Variants in PLEKHA5 observed in about 807,000 individuals in gnomAD.
PLEKHA5 encodes the protein pleckstrin homology domain containing A5.
PLEKHA5 carries 55 observed loss-of-function variants against 181.9 expected under a neutral mutation model. The observed-to-expected ratio is 0.30, with a 90% CI of 0.24 to 0.38. PLEKHA5 has a LOEUF of 0.38. PLEKHA5 is among the 10% of genes least tolerant of loss of function. The pLI is 1.00. For synonymous variants in PLEKHA5, 535 were observed against 529.4 expected, an observed-to-expected ratio of 1.01 and a Z score of -0.15; for missense variants, 1,432 against 1,549.5, an observed-to-expected ratio of 0.92 and a Z score of 1.27.
chr12:19,239,709 T>C (rs1478765182), intron 3 of PLEKHA5, among the ~76,000 whole-genome samples: 1 of 152,192 alleles, frequency 6.6e-6, no homozygotes, highest in African/African-American at 2.4e-5. Flanking sequence ...TTCAACCACA[T>C]TTCTTTGTGC....
intron 15 of PLEKHA5, among the ~76,000 whole-genome samples, chr12:19,299,889 AT>A (rs2080977677): frequency 6.6e-6 from 1 of 152,136 alleles, no homozygotes; most frequent in Non-Finnish European, 1.5e-5. Flanking sequence ...TCTTTTTGTC[AT>A]TTAAGCCTTC....
intron 11 of PLEKHA5, among the ~76,000 whole-genome samples, chr12:19,281,878 G>GT (rs1181384187): frequency 6.6e-6 from 1 of 151,864 alleles, no homozygotes; most frequent in African/African-American, 2.4e-5. Context: ...GCTTCCTGGG[G>GT]TCACGCCATT....
chr12:19,224,356 G>A (rs902308844), intron 3 of PLEKHA5, among the ~76,000 whole-genome samples: 1 of 152,108 alleles, frequency 6.6e-6, no homozygotes, highest in African/African-American at 2.4e-5. Flanking sequence ...TGGAAGTCTG[G>A]TTTAATTGAA....
At chr12:19,339,127 G>A (rs955027685) in intron 21 of PLEKHA5, among the ~76,000 whole-genome samples, 6 of 150,498 alleles carry the variant, frequency 4.0e-5, no homozygotes, top group African/African-American at 9.8e-5. Flanking sequence ...TGCAACCTCC[G>A]CCTCTCATGT....
chr12:19,354,828 C>G (rs2094838257), intron 26 of PLEKHA5, among the ~76,000 whole-genome samples: 1 of 152,152 alleles, frequency 6.6e-6, no homozygotes, highest in African/African-American at 2.4e-5. Flanking sequence ...CAGACCTAGT[C>G]AACACCTAAT....
chr12:19,157,097 T>TACATAC (rs1555227637), intron 3 of PLEKHA5, among the ~76,000 whole-genome samples: 2 of 143,208 alleles, frequency 1.4e-5, no homozygotes, highest in East Asian at 2.1e-4. Flanking sequence ...TATATGTACA[T>TACATAC]ACACACACAC....
At chr12:19,212,835 G>GTTTTTTTTTTTT (rs11290352) in intron 3 of PLEKHA5, among the ~76,000 whole-genome samples, 1 of 138,142 alleles carries the variant, frequency 7.2e-6, no homozygotes, top group Non-Finnish European at 1.6e-5. Flanking sequence ...TTTTTTTGTT[G>GTTTTTTTTTTTT]TTTTTTTTTT....
Position 19,269,758 on chromosome 12 carries a change from A to AT in PLEKHA5, c.712-8dup. The AT allele has an allele frequency of 7.2e-7, 1 of 1,382,400 alleles. No homozygotes were observed. The highest frequency in any genetic ancestry group is 1.0e-6 in the Non-Finnish European group (1 of 979,270). The allele number at this position is 1,382,400 out of a possible 1,614,324, so 85.6% of individuals were successfully genotyped here. A position where few individuals can be genotyped will look rare whatever the true frequency, so the allele number is the denominator to read the frequency against. On this transcript the variant is annotated splice_polypyrimidine_tract_variant and intron_variant, in intron 8 of 31. Transcript: ENST00000429027. ...TATTTTTATTTAAAATGATCGTGTC[A>AT]TTTTCAATCAGGCAGCCCATCCAAA...
intron 3 of PLEKHA5, 45 bp from the exon 4 acceptor site, chr12:19,253,895 T>C (rs1291005099): frequency 1.9e-6 from 2 of 1,078,192 alleles, no homozygotes; most frequent in African/African-American, 3.1e-5. Context: ...TAAATGGGAA[T>C]TTTAAATACC....
chr12:19,328,070 A>C (rs1044228793), intron 20 of PLEKHA5, among the ~76,000 whole-genome samples: 1 of 152,208 alleles, frequency 6.6e-6, no homozygotes, highest in Non-Finnish European at 1.5e-5. Flanking sequence ...CTATTCCAGC[A>C]CCATTTATTG....
intron 20 of PLEKHA5, among the ~76,000 whole-genome samples, chr12:19,327,571 G>C (rs1181687715): frequency 2.7e-5 from 4 of 149,530 alleles, no homozygotes. Context: ...AGTTTCTTTT[G>C]CTTTACAGAA....
intron 3 of PLEKHA5, among the ~76,000 whole-genome samples, chr12:19,239,901 A>G (rs919670206): frequency 2.6e-5 from 4 of 152,136 alleles, no homozygotes; most frequent in Non-Finnish European, 4.4e-5. Context: ...GAGACTCTTC[A>G]TGTTTATTTA....
chr12:19,306,504 T>A (rs199849104), intron 15 of PLEKHA5: 1 of 718,844 alleles, frequency 1.4e-6, no homozygotes, highest in South Asian at 1.4e-5. Flanking sequence ...GCTGTGTGTT[T>A]GATGTGTTGA....
rs770237684 is a variant in PLEKHA5 at position 19,361,339 on chromosome 12, C to A, written c.3484-243C>A. ...CTGGGACTACAGGCGCCCGCCACCA[C>A]ACCCCACTAATTTTTTTGTATTTTC... On this transcript the variant is annotated intron_variant, in intron 28 of 31. Coordinates refer to ENST00000429027, the MANE Select transcript of PLEKHA5 (RefSeq NM_001256470.2). Among the ~76,000 whole-genome samples, 8 of 152,076 alleles carry A rather than the reference C, an allele frequency of 5.3e-5. No homozygotes were observed. The South Asian group carries it at 1.0e-3, about 20-fold the overall frequency.
At chr12:19,272,484 A>G (rs1455342253) in intron 10 of PLEKHA5, among the ~76,000 whole-genome samples, 1 of 152,110 alleles carries the variant, frequency 6.6e-6, no homozygotes, top group Non-Finnish European at 1.5e-5. Context: ...CACGCTTGTA[A>G]CCCCAATAAT....
Position 19,354,954 on chromosome 12 carries a change from T to C in PLEKHA5, c.3138+952T>C, listed in dbSNP as rs1033762196. ...TGATGCCTCTTAAGAATTTTCTCGA[T>C]GAGAGGTATAGATGTGTCCTGTGGC... On this transcript the variant is annotated intron_variant, in intron 26 of 31. Transcript: ENST00000429027. Among the ~76,000 whole-genome samples, 3 of 152,184 alleles carry C rather than the reference T, an allele frequency of 2.0e-5. No individual in the cohort carries two copies. The East Asian group carries it at 5.8e-4, about 29-fold the overall frequency.
chr12:19,130,015 C>T lies in PLEKHA5; in HGVS notation c.90-36C>T, dbSNP rs1565843892. On this transcript the variant is annotated intron_variant, in intron 1 of 31. Coordinates refer to ENST00000429027, the MANE Select transcript of PLEKHA5 (RefSeq NM_001256470.2). This position sits in a 1 kb window ranked among gnomAD's most constrained non-coding sequence, Gnocchi z 4.5. Reference sequence around the variant, plus strand: ...CTCGGCTCGCCCCCGCGTCCCCTCTCACGCTCCGTGTCTGCCCCTTCTCTC... The same window carrying T: ...CTCGGCTCGCCCCCGCGTCCCCTCTTACGCTCCGTGTCTGCCCCTTCTCTC... The T allele has an allele frequency of 9.8e-5, 150 of 1,531,190 alleles. No individual in the cohort carries two copies. Among genetic ancestry groups the T allele is most frequent in the Non-Finnish European group, 1.3e-4 (148 of 1,128,224 alleles). 94.9% of individuals were successfully genotyped at this position (1,531,190 alleles called of 1,614,324 possible).
intron 3 of PLEKHA5, among the ~76,000 whole-genome samples, chr12:19,237,799 T>A (rs1448558107): frequency 1.3e-5 from 2 of 152,020 alleles, no homozygotes; most frequent in Non-Finnish European, 2.9e-5. Flanking sequence ...TTTCTTTGAA[T>A]TGTACTATGT....
intron 10 of PLEKHA5, among the ~76,000 whole-genome samples, chr12:19,274,131 A>T (rs1276506758): frequency 6.6e-6 from 1 of 152,192 alleles, no homozygotes; most frequent in Non-Finnish European, 1.5e-5. Flanking sequence ...ATGAGTCAAC[A>T]AGCAGCTAAC....
Sources: allele counts gnomAD v4.1 joint callset (sites outside exome capture counted in the v4.1 genomes callset), GRCh38; gene constraint gnomAD v4.1.1; non-coding constraint Gnocchi (gnomAD v3.1); transcripts MANE v1.5; gene names NCBI Gene and HGNC (gene_info 2026-07-23, HGNC 2026-07-21).